Variants in TRDN observed in about 807,000 individuals in gnomAD.
The protein encoded by TRDN is triadin, also known as triadin in skeletal muscle.
A neutral mutation model predicts 149.7 loss-of-function variants in TRDN; 161 were observed. That is an observed-to-expected ratio of 1.08 (90% CI 0.95 to 1.23). The LOEUF (loss-of-function observed/expected upper bound fraction) is 1.23. Ranked by LOEUF, TRDN falls within the 50% of genes most tolerant of loss-of-function variation. The probability of loss-of-function intolerance (pLI) is 0.00; values close to 1 mark genes in which losing one functional copy is unlikely to be tolerated. For synonymous variants in TRDN, 294 were observed against 250.5 expected, an observed-to-expected ratio of 1.17 and a Z score of -1.64; for missense variants, 896 against 823.5, an observed-to-expected ratio of 1.09 and a Z score of -1.08.
At chr6:123,262,522 A>C (rs1399387876) in intron 33 of TRDN, among the ~76,000 whole-genome samples, 1 of 152,078 alleles carries the variant, frequency 6.6e-6, no homozygotes, top group Non-Finnish European at 1.5e-5. Context: ...CATAGACCTA[A>C]GAGGTGCTCA....
At chr6:123,258,237 C>G (rs757137092) in intron 35 of TRDN, among the ~76,000 whole-genome samples, 5 of 152,114 alleles carry the variant, frequency 3.3e-5, no homozygotes, top group Admixed American at 1.3e-4. Context: ...ATGCTTCCAG[C>G]TTTTGCACTT....
intron 38 of TRDN, among the ~76,000 whole-genome samples, chr6:123,238,514 G>C (rs1775873071): frequency 6.6e-6 from 1 of 152,102 alleles, no homozygotes; most frequent in Non-Finnish European, 1.5e-5. Flanking sequence ...TCAATTTATA[G>C]AAGTCAAGAA....
At chr6:123,436,872 C>G (rs13214730) in intron 12 of TRDN, among the ~76,000 whole-genome samples, 19,452 of 152,068 alleles carry the variant, frequency 0.13, 1,704 homozygotes, top group South Asian at 0.3. Context: ...CCTAGAAGAT[C>G]TGCATTTTAA....
chr6:123,274,025 G>A (rs1777290343), intron 27 of TRDN, among the ~76,000 whole-genome samples: 1 of 152,048 alleles, frequency 6.6e-6, no homozygotes, highest in South Asian at 2.1e-4. Flanking sequence ...ATCAGACACG[G>A]GGCAGACCCC....
intron 12 of TRDN, among the ~76,000 whole-genome samples, chr6:123,419,472 C>A (rs79382546): frequency 6.6e-6 from 1 of 152,094 alleles, no homozygotes; most frequent in Admixed American, 6.6e-5. Context: ...TTCCTGGGTT[C>A]AAATGATGCC....
chr6:123,390,951 C>T (rs1381399452), intron 13 of TRDN, among the ~76,000 whole-genome samples: 1 of 152,082 alleles, frequency 6.6e-6, no homozygotes, highest in African/African-American at 2.4e-5. Context: ...TGGAAATACA[C>T]TAACACAGAG....
chr6:123,352,081 C>T (rs929292998), intron 21 of TRDN: 2 of 977,920 alleles, frequency 2.0e-6, no homozygotes, highest in Non-Finnish European at 2.4e-6. Context: ...TCATAATATA[C>T]TCTATTTTTG....
At chr6:123,429,905 G>C (rs1774262383) in intron 12 of TRDN, among the ~76,000 whole-genome samples, 1 of 152,108 alleles carries the variant, frequency 6.6e-6, no homozygotes, top group South Asian at 2.1e-4. Context: ...GAAATATGTG[G>C]TCTATTTACT....
chr6:123,444,661 CATAG>C (rs1302614247), intron 10 of TRDN, among the ~76,000 whole-genome samples: 1 of 151,662 alleles, frequency 6.6e-6, no homozygotes, highest in Non-Finnish European at 1.5e-5. Context: ...GTGGGTTTGT[CATAG>C]ATAGCTCTTA....
At chr6:123,370,885 TC>T (rs962363204) in intron 19 of TRDN, among the ~76,000 whole-genome samples, 4 of 151,390 alleles carry the variant, frequency 2.6e-5, no homozygotes, top group African/African-American at 7.3e-5. Flanking sequence ...CATTTTTTTT[TC>T]TGCCCATTGT....
At chr6:123,329,078 C>T (rs571315016) in intron 23 of TRDN, among the ~76,000 whole-genome samples, 2 of 152,006 alleles carry the variant, frequency 1.3e-5, no homozygotes, top group Non-Finnish European at 2.9e-5. Flanking sequence ...CTTCCATATT[C>T]CTGGAAAATG....
At chr6:123,247,298 G>T (rs1242775090) in intron 38 of TRDN, among the ~76,000 whole-genome samples, 1 of 152,164 alleles carries the variant, frequency 6.6e-6, no homozygotes, top group African/African-American at 2.4e-5. Context: ...AGGAAGAGAA[G>T]AAGTCAAATT....
intron 34 of TRDN, 138 bp from the exon 35 acceptor site, chr6:123,259,800 A>G (rs1459890917): frequency 4.9e-6 from 3 of 609,246 alleles, no homozygotes; most frequent in Non-Finnish European, 8.1e-6. Context: ...CATTTTTGTT[A>G]TGCTTGGTCA....
intron 34 of TRDN, 23 bp downstream of exon 34, chr6:123,260,589 C>A: frequency 6.8e-7 from 1 of 1,474,024 alleles, no homozygotes; most frequent in Non-Finnish European, 9.0e-7. Flanking sequence ...TATCTTATCT[C>A]CTCTGAAAAA....
rs750046661 is a variant in TRDN, at chr6:123,636,762, G to C, written c.14C>G (p.Thr5Ser). ...GAAAATGGTAGCAATACCTTCAGCA[G>C]TGATCTCAGTCATGGTGGTCGTCAA... MTEI[T>S]AEGNASTTTT... Residue 5 changes from threonine to serine, a missense_variant, in exon 1 of 41, where the codon ACT (threonine) becomes AGT (serine). By Grantham distance (58) the Thr-to-Ser change is moderately conservative. Transcript: ENST00000334268. The C allele has an allele frequency of 1.2e-6, 2 of 1,611,648 alleles. No individual in the cohort carries two copies. The highest frequency in any genetic ancestry group is 4.5e-5 in the East Asian group (2 of 44,746).
At chr6:123,565,496 T>C (rs891663581) in intron 2 of TRDN, among the ~76,000 whole-genome samples, 7 of 152,214 alleles carry the variant, frequency 4.6e-5, no homozygotes, top group African/African-American at 4.8e-5. Context: ...TGTTGTCCTA[T>C]ATGAAGACTT....
At chr6:123,483,709 C>T (rs965212517) in intron 9 of TRDN, among the ~76,000 whole-genome samples, 9 of 152,122 alleles carry the variant, frequency 5.9e-5, no homozygotes, top group Admixed American at 3.9e-4. Flanking sequence ...TTGTTTTATT[C>T]ATAATCTCTG....
chr6:123,587,008 G>A (rs1783527464), intron 1 of TRDN, among the ~76,000 whole-genome samples: 2 of 151,996 alleles, frequency 1.3e-5, no homozygotes, highest in Non-Finnish European at 2.9e-5. Flanking sequence ...TGAGGTTGGG[G>A]TACTTGCCCC....
intron 9 of TRDN, 22 bp from the exon 10 acceptor site, chr6:123,465,005 A>G (rs1776701436): frequency 6.4e-7 from 1 of 1,557,372 alleles, no homozygotes; most frequent in East Asian, 2.3e-5. Flanking sequence ...AGAAGTAGGA[A>G]TTGGAAAAAA....
Sources: allele counts gnomAD v4.1 joint callset (sites outside exome capture counted in the v4.1 genomes callset), GRCh38; gene constraint gnomAD v4.1.1; transcripts MANE v1.5; gene names NCBI Gene and HGNC (gene_info 2026-07-23, HGNC 2026-07-21).